Variants in CDH4 observed in about 807,000 individuals in gnomAD.
The protein encoded by CDH4 is cadherin-4.
Under a neutral mutation model 86.0 loss-of-function variants are expected in CDH4, and 33 were observed. The ratio of observed to expected loss-of-function variants is 0.38; its 90% CI spans 0.29 to 0.51. CDH4 has a LOEUF of 0.51. Among genes scored for constraint, CDH4 ranks in the 20% least tolerant of loss-of-function variants. CDH4 has a pLI of 0.86. For missense variants in CDH4, 1,114 were observed against 1,307.4 expected, an observed-to-expected ratio of 0.85 and a Z score of 2.28; for synonymous variants, 555 against 549.4, an observed-to-expected ratio of 1.01 and a Z score of -0.14.
At chr20:61,596,467 A>C (rs142675931) in intron 2 of CDH4, among the ~76,000 whole-genome samples, 1 of 152,192 alleles carries the variant, frequency 6.6e-6, no homozygotes, top group Non-Finnish European at 1.5e-5. Context: ...TGGGGAGGGC[A>C]ATGGCTCTTA....
At chr20:61,591,107 G>C (rs1325972729) in intron 2 of CDH4, among the ~76,000 whole-genome samples, 1 of 151,942 alleles carries the variant, frequency 6.6e-6, no homozygotes, top group Non-Finnish European at 1.5e-5. Flanking sequence ...ATAAGTACCA[G>C]GGCTGGACCT....
At chr20:61,861,837 G>A (rs1377862829) in intron 6 of CDH4, among the ~76,000 whole-genome samples, 1 of 152,178 alleles carries the variant, frequency 6.6e-6, no homozygotes, top group Non-Finnish European at 1.5e-5. Flanking sequence ...TGTCCTGTGG[G>A]TAAGGTGGGC....
intron 6 of CDH4, among the ~76,000 whole-genome samples, chr20:61,863,648 C>T (rs557219509): frequency 2.0e-4 from 30 of 152,268 alleles, no homozygotes; most frequent in African/African-American, 6.3e-4. Context: ...AGTGGGGACA[C>T]GGGGATCCAG....
chr20:61,726,763 G>A (rs1373366345), intron 2 of CDH4, among the ~76,000 whole-genome samples: 1 of 147,146 alleles, frequency 6.8e-6, no homozygotes, highest in African/African-American at 2.5e-5. Flanking sequence ...CACCATCGGA[G>A]GCATCACCAT....
chr20:61,842,029 C>T (rs967110993), intron 4 of CDH4, among the ~76,000 whole-genome samples: 4 of 152,236 alleles, frequency 2.6e-5, no homozygotes, highest in Admixed American at 1.3e-4. Context: ...AGATGTTCTC[C>T]ATCAGGCTGA....
chr20:61,280,137 G>T (rs1221217984), intron 2 of CDH4, among the ~76,000 whole-genome samples: 1 of 152,146 alleles, frequency 6.6e-6, no homozygotes, highest in Non-Finnish European at 1.5e-5. Context: ...GATTGGGTCT[G>T]CCAGGCTGGG....
intron 2 of CDH4, among the ~76,000 whole-genome samples, chr20:61,562,462 G>A (rs1381693199): frequency 1.3e-5 from 2 of 152,172 alleles, no homozygotes; most frequent in Non-Finnish European, 2.9e-5. Flanking sequence ...GGGCCTCCGT[G>A]TGCAGAGGTG....
chr20:61,433,350 T>G (rs887896505), intron 2 of CDH4, among the ~76,000 whole-genome samples: 9 of 152,152 alleles, frequency 5.9e-5, no homozygotes, highest in Non-Finnish European at 1.0e-4. Context: ...TCTGACGCCT[T>G]CCTTCTGTCG....
chr20:61,272,231 C>T (rs929181769), intron 2 of CDH4, among the ~76,000 whole-genome samples: 5 of 152,168 alleles, frequency 3.3e-5, no homozygotes, highest in African/African-American at 9.7e-5. Flanking sequence ...TATCAATCTC[C>T]GACTTGCACA....
At chr20:61,373,261 G>A (rs6061819) in intron 2 of CDH4, among the ~76,000 whole-genome samples, 1 of 152,156 alleles carries the variant, frequency 6.6e-6, no homozygotes, top group Non-Finnish European at 1.5e-5. Context: ...GTCAGCACTA[G>A]GCAGCTCCTC....
At chr20:61,271,171 G>T (rs1241369753) in intron 2 of CDH4, among the ~76,000 whole-genome samples, 1 of 152,148 alleles carries the variant, frequency 6.6e-6, no homozygotes, top group Non-Finnish European at 1.5e-5. Flanking sequence ...GGGATGGACT[G>T]GGGGGCTGGG....
intron 2 of CDH4, among the ~76,000 whole-genome samples, chr20:61,531,472 CAAAAAAAAAAAA>C (rs956436259): frequency 1.4e-4 from 6 of 44,100 alleles, no homozygotes; most frequent in Admixed American, 9.2e-4. Context: ...GACTGCATCT[CAAAAAAAAAAAA>C]AAAAAAAAAA....
At chr20:61,756,165 A>AC (rs1393268789) in intron 3 of CDH4, among the ~76,000 whole-genome samples, 1 of 152,054 alleles carries the variant, frequency 6.6e-6, no homozygotes, top group Non-Finnish European at 1.5e-5. Flanking sequence ...GCGTGAACGC[A>AC]CCCCCTGGGC....
chr20:61,591,038 G>A (rs1016556526), intron 2 of CDH4, among the ~76,000 whole-genome samples: 1 of 152,164 alleles, frequency 6.6e-6, no homozygotes, highest in South Asian at 2.1e-4. Context: ...ACAAGGGCTA[G>A]CCCTACTGAT....
chr20:61,293,467 G>A (rs2084334736), intron 2 of CDH4, among the ~76,000 whole-genome samples: 1 of 152,262 alleles, frequency 6.6e-6, no homozygotes, highest in African/African-American at 2.4e-5. Context: ...GGACTTCTGG[G>A]GAAGGAAGGT....
At chr20:61,864,909 C>T (rs977923369) in intron 6 of CDH4, among the ~76,000 whole-genome samples, 1 of 152,184 alleles carries the variant, frequency 6.6e-6, no homozygotes, top group African/African-American at 2.4e-5. Flanking sequence ...CACTCTCCTG[C>T]CCTGTCACCC....
In CDH4 at chr20:61,928,240, A is replaced by T; in HGVS notation, c.1822A>T (p.Ile608Phe). 5 of 1,606,208 alleles carry T rather than the reference A, an allele frequency of 3.1e-6. No individual in the cohort carries two copies. Among genetic ancestry groups the T allele is most frequent in the Non-Finnish European group, 4.2e-6 (5 of 1,179,960 alleles). Residue 608 changes from isoleucine to phenylalanine, a missense_variant, in exon 12 of 16, where the codon ATC becomes TTC. Ile to Phe is a conservative substitution (Grantham distance 21). Coordinates refer to ENST00000614565, the MANE Select transcript of CDH4 (RefSeq NM_001794.5). ...TGTLQIYLID[I>F]NDNAPELLPK... ...GACCCTCCAGATCTATCTCATTGAC[A>T]TCAACGACAACGCCCCTGAGCTGCT...
intron 4 of CDH4, among the ~76,000 whole-genome samples, chr20:61,788,603 A>G (rs1979008072): frequency 1.3e-5 from 2 of 152,186 alleles, no homozygotes; most frequent in African/African-American, 2.4e-5. Flanking sequence ...CCAGCCCGGC[A>G]GTGTTTTCCT....
intron 2 of CDH4, among the ~76,000 whole-genome samples, chr20:61,278,586 G>T (rs1205515877): frequency 6.6e-6 from 1 of 152,256 alleles, no homozygotes; most frequent in Non-Finnish European, 1.5e-5. Flanking sequence ...CAGCCCTTGG[G>T]AAGTGGCTCA....
Sources: gnomAD v4.1 joint callset for allele counts (sites outside exome capture counted in the v4.1 genomes callset) on GRCh38, gnomAD v4.1.1 for gene constraint, MANE v1.5 for transcripts, NCBI Gene and HGNC (gene_info 2026-07-23, HGNC 2026-07-21) for gene names.